Variants in MARK4 observed in about 807,000 individuals in gnomAD.
MARK4 encodes the protein MAP/microtubule affinity-regulating kinase 4.
Under a neutral mutation model 81.5 loss-of-function variants are expected in MARK4, and 19 were observed. The ratio of observed to expected loss-of-function variants is 0.23; its 90% CI spans 0.16 to 0.34. MARK4 has a LOEUF of 0.34. Ranked by LOEUF, MARK4 falls within the 10% of genes least tolerant of loss-of-function variation. The pLI is 1.00. For missense variants in MARK4, 772 were observed against 1,058.8 expected, an observed-to-expected ratio of 0.73 and a Z score of 3.76; for synonymous variants, 436 against 439.0, an observed-to-expected ratio of 0.99 and a Z score of 0.08.
At chr19:45,280,212 G>A in intron 10 of MARK4, 162 bp from the exon 11 acceptor site, 1 of 638,668 alleles carries the variant, frequency 1.6e-6, no homozygotes. Context: ...GAGGTGGGAG[G>A]ATCAGCAGAG....
intron 8 of MARK4, among the ~76,000 whole-genome samples, chr19:45,272,866 C>T (rs1327039421): frequency 4.6e-5 from 7 of 152,002 alleles, no homozygotes; most frequent in African/African-American, 4.8e-5. Flanking sequence ...CCAGCCTGGG[C>T]GACAGAGCGA....
At chr19:45,282,373 A>G (rs1970687089) in intron 12 of MARK4, among the ~76,000 whole-genome samples, 1 of 152,074 alleles carries the variant, frequency 6.6e-6, no homozygotes, top group Non-Finnish European at 1.5e-5. Flanking sequence ...TAAAATTCAT[A>G]TACCAAACAA....
chr19:45,266,213 C>T lies in MARK4; in HGVS notation c.493-12C>T, dbSNP rs1206770557. 1.2e-6 allele frequency: 2 copies of T among 1,613,632 alleles called. No individual in the cohort carries two copies. Among genetic ancestry groups the T allele is most frequent in the Non-Finnish European group, 1.7e-6 (2 of 1,179,756 alleles). On this transcript the variant is annotated splice_polypyrimidine_tract_variant and intron_variant, in intron 6 of 16. Transcript: ENST00000262891. ...GGAGCCACAAATAACCAACCTTCCC[C>T]TTCCCTCCCAGATTGTTTCGGCTGT... is the stretch of plus-strand genomic sequence containing the variant.
intron 14 of MARK4, 64 bp from the exon 15 acceptor site, chr19:45,297,612 C>A: frequency 2.0e-6 from 2 of 1,010,958 alleles, no homozygotes; most frequent in South Asian, 3.3e-5. Flanking sequence ...TGTGAAGAAT[C>A]AAAGGGACTG....
At chr19:45,270,281 G>A (rs1018234357) in intron 7 of MARK4, among the ~76,000 whole-genome samples, 1 of 152,118 alleles carries the variant, frequency 6.6e-6, no homozygotes, top group Non-Finnish European at 1.5e-5. Context: ...CCCACCTAAA[G>A]TTCACACAGC....
At chr19:45,259,291 G>A (rs985682535) in intron 2 of MARK4, 102 bp downstream of exon 2, 1 of 1,347,842 alleles carries the variant, frequency 7.4e-7, no homozygotes, top group Non-Finnish European at 1.0e-6. Context: ...TTGCTTTGTG[G>A]CCTCAGGTAA....
intron 4 of MARK4, among the ~76,000 whole-genome samples, chr19:45,263,772 CCTG>C (rs1221305204): frequency 6.6e-6 from 1 of 151,252 alleles, no homozygotes; most frequent in Non-Finnish European, 1.5e-5. Context: ...AAGTTAGAGA[CCTG>C]GTTTCTCATA....
In MARK4 at chr19:45,282,908, C is replaced by T. The variant is rs1443734174; in HGVS notation, c.1276+2174C>T. On this transcript the variant is annotated intron_variant, in intron 12 of 16. Coordinates refer to ENST00000262891, the MANE Select transcript of MARK4 (RefSeq NM_001199867.2). The stretch of plus-strand genomic sequence containing the variant: ...TTGGGAGGCTGAGGTAGGAAGACCA[C>T]TTGAACCCAGGAGATCGAGGTCGTG... Among the ~76,000 whole-genome samples, 4 of 152,200 alleles carry T rather than the reference C, an allele frequency of 2.6e-5. No homozygotes were observed. In the East Asian group the frequency reaches 7.7e-4, roughly 29 times the overall value.
intron 16 of MARK4, among the ~76,000 whole-genome samples, chr19:45,301,440 C>T (rs987559122): frequency 7.3e-5 from 11 of 151,722 alleles, no homozygotes; most frequent in African/African-American, 2.7e-4. Context: ...GCCTGTTCTC[C>T]CAGCTACTTG....
intron 12 of MARK4, 39 bp downstream of exon 12, chr19:45,280,773 C>T: frequency 1.9e-6 from 3 of 1,607,844 alleles, no homozygotes; most frequent in Non-Finnish European, 8.5e-7. Flanking sequence ...CCCTCCTTCT[C>T]CCCAAGGCCC....
intron 2 of MARK4, 129 bp from the exon 3 acceptor site, chr19:45,262,984 C>T (rs970988178): frequency 1.1e-5 from 12 of 1,075,934 alleles, no homozygotes; most frequent in Admixed American, 6.6e-5. Context: ...AGGCTGGTCT[C>T]GAACTCCTGG....
rs1568505030 is a variant in MARK4, at chr19:45,299,793, C to T, written c.1878-18C>T. On this transcript the variant is annotated intron_variant, in intron 15 of 16. Transcript: ENST00000262891. Reference sequence around the variant, plus strand: ...CCTATGTCCAGATTAGACACTCTGTCCCCCTCCCCTCCCCTAGGGTCGCAG... The same window carrying T: ...CCTATGTCCAGATTAGACACTCTGTTCCCCTCCCCTCCCCTAGGGTCGCAG... 2 of 1,589,458 alleles carry T rather than the reference C, an allele frequency of 1.3e-6. No individual in the cohort carries two copies. The highest frequency in any genetic ancestry group is 1.1e-5 in the South Asian group (1 of 88,524).
Position 45,271,355 on chromosome 19 carries a change from C to A in MARK4, c.550-117C>A. ...GGTCAGGTAGAGAGTAAAGGACAGG[C>A]CCAAGAGTTGATCCCTGTGGGCCAG... On this transcript the variant is annotated intron_variant, in intron 7 of 16. Transcript: ENST00000262891. The surrounding 1 kb of genome is among the most constrained non-coding windows in gnomAD (Gnocchi z 4.1). The A allele has an allele frequency of 1.0e-6, 1 of 959,812 alleles. No homozygotes were observed. The highest frequency in any genetic ancestry group is 1.6e-6 in the Non-Finnish European group (1 of 619,970). 59.5% of individuals were successfully genotyped at this position (959,812 alleles called of 1,614,324 possible).
Position 45,303,664 on chromosome 19 carries a change from A to G in MARK4, c.*954A>G, listed in dbSNP as rs899674497. ...CTTACTCCAGTAGTAAATTTATTCAATAAACAATCATTGACCCATGCCTAC... is the reference window on the plus strand; with the variant it reads ...CTTACTCCAGTAGTAAATTTATTCAGTAAACAATCATTGACCCATGCCTAC... On this transcript the variant is annotated 3_prime_UTR_variant, in exon 17 of 17. Coordinates refer to ENST00000262891, the MANE Select transcript of MARK4 (RefSeq NM_001199867.2). The G allele has an allele frequency of 3.3e-5, 5 of 152,180 alleles. No homozygotes were observed. The highest frequency in any genetic ancestry group is 2.0e-4 in the Admixed American group (3 of 15,268). 9.4% of individuals were successfully genotyped at this position (152,180 alleles called of 1,614,324 possible).
At chr19:45,301,557 C>CAA (rs10630193) in intron 16 of MARK4, among the ~76,000 whole-genome samples, 4,575 of 49,418 alleles carry the variant, frequency 0.093, 813 homozygotes, top group African/African-American at 0.24. Flanking sequence ...AACTCTGTCT[C>CAA]AAAAAAAAAA....
intron 7 of MARK4, among the ~76,000 whole-genome samples, chr19:45,269,863 C>T (rs1271876507): frequency 6.6e-6 from 1 of 152,012 alleles, no homozygotes; most frequent in African/African-American, 2.4e-5. Flanking sequence ...TATTTATTCA[C>T]TTATTTTTGA....
intron 10 of MARK4, 169 bp from the exon 11 acceptor site, chr19:45,280,205 G>T: frequency 1.6e-6 from 1 of 621,746 alleles, no homozygotes; most frequent in South Asian, 1.9e-5. Flanking sequence ...AAAAACTGAG[G>T]TGGGAGGATC....
chr19:45,283,043 G>GT (rs1157328708), intron 12 of MARK4, among the ~76,000 whole-genome samples: 1 of 151,964 alleles, frequency 6.6e-6, no homozygotes, highest in Non-Finnish European at 1.5e-5. Flanking sequence ...TATTTATAGA[G>GT]TTGTACATCT....
intron 1 of MARK4, among the ~76,000 whole-genome samples, chr19:45,254,899 G>A (rs1970288108): frequency 6.6e-6 from 1 of 152,222 alleles, no homozygotes; most frequent in African/African-American, 2.4e-5. Context: ...AGCATGAGCT[G>A]CTTTGTAGAA....
Sources: gnomAD v4.1 joint callset for allele counts (sites outside exome capture counted in the v4.1 genomes callset) on GRCh38, gnomAD v4.1.1 for gene constraint, Gnocchi (gnomAD v3.1) non-coding constraint, MANE v1.5 for transcripts, NCBI Gene and HGNC (gene_info 2026-07-23, HGNC 2026-07-21) for gene names.